The following SEPTIN7 variants were observed in gnomAD, a reference collection of about 807,000 sequenced individuals.
The protein encoded by SEPTIN7 is septin-7.
A neutral mutation model predicts 63.3 loss-of-function variants in SEPTIN7; 10 were observed. The observed-to-expected ratio is 0.16, with a 90% confidence interval of 0.10 to 0.27. The LOEUF (loss-of-function observed/expected upper bound fraction) is 0.27, where lower values mean the gene tolerates loss of function less well. SEPTIN7 is among the 10% of genes least tolerant of loss of function. The probability of loss-of-function intolerance (pLI) is 1.00; values close to 1 mark genes in which losing one functional copy is unlikely to be tolerated. For synonymous variants in SEPTIN7, 131 were observed against 165.3 expected, an observed-to-expected ratio of 0.79 and a Z score of 1.59; for missense variants, 310 against 521.0, an observed-to-expected ratio of 0.59 and a Z score of 3.94.
At chr7:35,903,303 C>T (rs1788431044) in intron 13 of SEPTIN7, 88 bp downstream of exon 13, 2 of 1,428,984 alleles carry the variant, frequency 1.4e-6, no homozygotes. Context: ...TAGAATAACA[C>T]TTAAAAAGTC....
At chr7:35,897,091 A>G (rs1412080299) in intron 11 of SEPTIN7, among the ~76,000 whole-genome samples, 1 of 152,188 alleles carries the variant, frequency 6.6e-6, no homozygotes, top group Non-Finnish European at 1.5e-5. Context: ...GACTAGCCTT[A>G]AAGTTACGGG....
At chr7:35,812,264 G>C (rs1788775315) in intron 1 of SEPTIN7, among the ~76,000 whole-genome samples, 1 of 151,848 alleles carries the variant, frequency 6.6e-6, no homozygotes, top group Admixed American at 6.6e-5. Flanking sequence ...GTTAGTGCAT[G>C]GTGCTGTGCT....
At chr7:35,813,526 A>T (rs891928458) in intron 1 of SEPTIN7, among the ~76,000 whole-genome samples, 2 of 152,086 alleles carry the variant, frequency 1.3e-5, no homozygotes, top group Admixed American at 6.5e-5. Context: ...GGCGTGTGCC[A>T]CCATGCCTGG....
chr7:35,813,300 C>G (rs1488813455), intron 1 of SEPTIN7, among the ~76,000 whole-genome samples: 2 of 151,788 alleles, frequency 1.3e-5, no homozygotes, highest in Admixed American at 1.3e-4. Context: ...TTTAGGTCAT[C>G]ATTTTAGCAC....
At chr7:35,865,322 C>A (rs2715605) in intron 4 of SEPTIN7, among the ~76,000 whole-genome samples, 78,465 of 151,876 alleles carry the variant, frequency 0.52, 21,957 homozygotes, top group Admixed American at 0.63. Context: ...CAGTATTACA[C>A]CCCCCAAAGA....
intron 1 of SEPTIN7, among the ~76,000 whole-genome samples, chr7:35,810,719 T>G (rs1427970942): frequency 6.6e-6 from 1 of 152,120 alleles, no homozygotes; most frequent in Non-Finnish European, 1.5e-5. Context: ...GGAGTGACAT[T>G]TTGTATCCTT....
intron 3 of SEPTIN7, among the ~76,000 whole-genome samples, chr7:35,855,527 G>A (rs373911475): frequency 1.9e-4 from 29 of 152,064 alleles, no homozygotes; most frequent in Middle Eastern, 3.4e-3. Flanking sequence ...ACTTTCTTTA[G>A]GCTTATTTTA....
At chr7:35,879,644 C>T (rs1786709357) in intron 6 of SEPTIN7, 179 bp from the exon 7 acceptor site, 1 of 528,534 alleles carries the variant, frequency 1.9e-6, no homozygotes. Context: ...AAAGCCTTAG[C>T]CACTCCAATG....
At chr7:35,805,649 G>A (rs1360978083) in intron 1 of SEPTIN7, among the ~76,000 whole-genome samples, 1 of 152,208 alleles carries the variant, frequency 6.6e-6, no homozygotes, top group Non-Finnish European at 1.5e-5. Flanking sequence ...TTTGAAAGCT[G>A]AGAATTAAGT....
chr7:35,826,550 G>C (rs1376348221), intron 1 of SEPTIN7, among the ~76,000 whole-genome samples: 1 of 151,842 alleles, frequency 6.6e-6, no homozygotes, highest in Admixed American at 6.6e-5. Context: ...GGTGTGTTAA[G>C]GTAATTTGAG....
At chr7:35,806,596 C>CA (rs1788355271) in intron 1 of SEPTIN7, among the ~76,000 whole-genome samples, 1 of 152,210 alleles carries the variant, frequency 6.6e-6, no homozygotes, top group Non-Finnish European at 1.5e-5. Flanking sequence ...CAATGAATTG[C>CA]TGATGTGCAT....
At chr7:35,845,996 T>C (rs1784647852) in intron 3 of SEPTIN7, among the ~76,000 whole-genome samples, 1 of 152,130 alleles carries the variant, frequency 6.6e-6, no homozygotes, top group South Asian at 2.1e-4. Context: ...TTCAGATATA[T>C]GGCTTGAAAT....
chr7:35,847,108 G>T, intron 3 of SEPTIN7: 1 of 186,834 alleles, frequency 5.4e-6, no homozygotes, highest in South Asian at 1.2e-4. Flanking sequence ...GGAGTCTGCA[G>T]CTGTGACACA....
rs1786811586 is a variant in SEPTIN7 at position 35,880,494 on chromosome 7, T to TAA, written c.630+558_630+559dup. On this transcript the variant is annotated intron_variant, in intron 7 of 13. Transcript: ENST00000350320. ...TATTTTCCCGAAAGGCTGAACATTT[T>TAA]AAAAACAAAGTCATTTTTTTCCCCC... Among the ~76,000 whole-genome samples the TAA allele has an allele frequency of 2.6e-5, 4 of 152,010 alleles. No homozygotes were observed. In the South Asian group the frequency reaches 8.3e-4, roughly 31 times the overall value.
At chr7:35,909,961 C>A (rs1356277646), downstream of SEPTIN7, among the ~76,000 whole-genome samples, 3 of 152,224 alleles carry the variant, frequency 2.0e-5, no homozygotes. Flanking sequence ...AGGCTACAGT[C>A]AACTGTGGGC....
At chr7:35,884,543 C>T (rs1220099432) in intron 9 of SEPTIN7, among the ~76,000 whole-genome samples, 1 of 152,058 alleles carries the variant, frequency 6.6e-6, no homozygotes. Flanking sequence ...TACCTGGGGC[C>T]CAAAGTTTGC....
At chr7:35,802,685 A>G (rs1473264342) in intron 1 of SEPTIN7, among the ~76,000 whole-genome samples, 1 of 152,142 alleles carries the variant, frequency 6.6e-6, no homozygotes, top group African/African-American at 2.4e-5. Flanking sequence ...ACAGGTAGGG[A>G]TGAAATTTAT....
At chr7:35,914,432 TAAAAG>T in the SEPTIN7 span, among the ~76,000 whole-genome samples, 2 of 152,150 alleles carry the variant, frequency 1.3e-5, no homozygotes, top group Non-Finnish European at 2.9e-5. Flanking sequence ...TTGAAGGCCT[TAAAAG>T]AAATAAGGCT....
intron 3 of SEPTIN7, among the ~76,000 whole-genome samples, chr7:35,844,788 A>T (rs1420448346): frequency 6.6e-6 from 1 of 152,130 alleles, no homozygotes; most frequent in South Asian, 2.1e-4. Flanking sequence ...TTTTTAGTAA[A>T]GACAGGATTT....
Sources: gnomAD v4.1 joint callset for allele counts (sites outside exome capture counted in the v4.1 genomes callset) on GRCh38, gnomAD v4.1.1 for gene constraint, MANE v1.5 for transcripts, NCBI Gene and HGNC (gene_info 2026-07-23, HGNC 2026-07-21) for gene names.